Variants in RUFY4 observed in about 807,000 individuals in gnomAD.
The protein encoded by RUFY4 is RUN and FYVE domain-containing protein 4.
A neutral mutation model predicts 69.0 loss-of-function variants in RUFY4; 73 were observed. That is an observed-to-expected ratio of 1.06 (90% CI 0.88 to 1.29). The LOEUF is 1.29. Among genes scored for constraint, RUFY4 ranks in the 50% most tolerant of loss-of-function variants. RUFY4 has a pLI of 0.00. For synonymous variants in RUFY4, 287 were observed against 271.8 expected, an observed-to-expected ratio of 1.06 and a Z score of -0.55; for missense variants, 770 against 705.6, an observed-to-expected ratio of 1.09 and a Z score of -1.03.
At chr2:218,057,483 G>A (rs1283717833) in intron 2 of RUFY4, among the ~76,000 whole-genome samples, 1 of 152,120 alleles carries the variant, frequency 6.6e-6, no homozygotes, top group Non-Finnish European at 1.5e-5. Context: ...AGAACTTTCT[G>A]TGTCCGCTCA....
At chr2:218,067,586 G>A (rs1469402816), upstream of RUFY4, among the ~76,000 whole-genome samples, 3 of 152,198 alleles carry the variant, frequency 2.0e-5, no homozygotes, top group Non-Finnish European at 4.4e-5. Context: ...CACCAGCTGG[G>A]ATGGAGCTTG....
upstream of RUFY4, among the ~76,000 whole-genome samples, chr2:218,067,956 TAG>T (rs1689382791): frequency 1.3e-5 from 2 of 152,148 alleles, no homozygotes; most frequent in Admixed American, 1.3e-4. Context: ...CACAGGGACC[TAG>T]AGAGGAGTTA....
intron 3 of RUFY4, among the ~76,000 whole-genome samples, chr2:218,063,650 C>T (rs1689251846): frequency 6.6e-6 from 1 of 152,172 alleles, no homozygotes; most frequent in Non-Finnish European, 1.5e-5. Context: ...TAGGAAGAAC[C>T]TCAGAACCTC....
chr2:218,080,890 C>A (rs1163807004), intron 8 of RUFY4, among the ~76,000 whole-genome samples: 1 of 152,138 alleles, frequency 6.6e-6, no homozygotes, highest in Admixed American at 6.5e-5. Context: ...CAGATTTCTG[C>A]CCCCTCCACT....
At chr2:218,083,725 G>A (rs1182522279) in intron 9 of RUFY4, among the ~76,000 whole-genome samples, 1 of 151,720 alleles carries the variant, frequency 6.6e-6, no homozygotes, top group Non-Finnish European at 1.5e-5. Context: ...TCCAGCCTGG[G>A]CGACAGAGTG....
In RUFY4 at chr2:218,072,912, C is replaced by T. The variant is rs532821575; in HGVS notation, c.386+27C>T. ...TGGGGCTGTTGGGACATCCTCCTGC[C>T]GATGCCATCTGAGCCACTTTCCCTC... is the stretch of plus-strand genomic sequence containing the variant. On this transcript the variant is annotated intron_variant, in intron 4 of 10. Transcript: ENST00000344321. 68 of 1,481,042 alleles carry T rather than the reference C, an allele frequency of 4.6e-5. 1 individual carries two copies. The East Asian group carries it at 7.2e-4, about 16-fold the overall frequency. The allele number at this position is 1,481,042 out of a possible 1,614,324, so 91.7% of individuals were successfully genotyped here. A position where few individuals can be genotyped will look rare whatever the true frequency, so the allele number is the denominator to read the frequency against.
chr2:218,052,745 T>TAAAA (rs767229733), intron 2 of RUFY4, among the ~76,000 whole-genome samples: 5 of 144,802 alleles, frequency 3.5e-5, no homozygotes, highest in African/African-American at 1.0e-4. Flanking sequence ...TTTTTTTTTT[T>TAAAA]AAAAAAAAAA....
upstream of RUFY4, among the ~76,000 whole-genome samples, chr2:218,066,845 C>G (rs1035906139): frequency 6.6e-6 from 1 of 152,216 alleles, no homozygotes; most frequent in Admixed American, 6.5e-5. Context: ...TAATGTCTTT[C>G]AAAATGTGAC....
In RUFY4 at chr2:218,044,641, G is replaced by A. The variant is rs534930243; in HGVS notation, c.-1158+9247G>A. Among the ~76,000 whole-genome samples the A allele has an allele frequency of 8.5e-4, 129 of 152,122 alleles. 1 individual carries two copies. The highest frequency in any genetic ancestry group is 2.0e-4 in the Admixed American group (3 of 15,278). ...CCCAGTGTGTGTTGTTCCTCTCTGTGTGTCCATGTGTTCTCATCTTTTAGC... is the reference window on the plus strand; with the variant it reads ...CCCAGTGTGTGTTGTTCCTCTCTGTATGTCCATGTGTTCTCATCTTTTAGC... On this transcript the variant is annotated intron_variant and NMD_transcript_variant, in intron 2 of 13. Coordinates refer to the RUFY4 transcript ENST00000457754.
intron 3 of RUFY4, chr2:218,061,402 A>T (rs1196712723): frequency 1.4e-5 from 3 of 221,380 alleles, no homozygotes; most frequent in Non-Finnish European, 2.7e-5. Flanking sequence ...TCCCAGCCAA[A>T]ATTTTCCATT....
upstream of RUFY4, chr2:218,069,008 G>C (rs2106044365): frequency 6.6e-6 from 1 of 152,628 alleles, no homozygotes; most frequent in East Asian, 1.9e-4. Flanking sequence ...AGCAGGTGCT[G>C]AAAACGAAAA....
chr2:218,076,126 G>C (rs943530036), intron 7 of RUFY4, among the ~76,000 whole-genome samples: 2 of 152,148 alleles, frequency 1.3e-5, no homozygotes, highest in Non-Finnish European at 2.9e-5. Flanking sequence ...TTGCTCCTGT[G>C]GTGGATGCTT....
chr2:218,061,258 T>A (rs1689183799), intron 3 of RUFY4: 1 of 350,978 alleles, frequency 2.8e-6, no homozygotes, highest in Non-Finnish European at 5.7e-6. Flanking sequence ...AGGGCATAGA[T>A]GATGATCAAA....
intron 2 of RUFY4, among the ~76,000 whole-genome samples, chr2:218,046,040 C>CAG (rs1688819609): frequency 6.6e-6 from 1 of 152,148 alleles, no homozygotes; most frequent in South Asian, 2.1e-4. Context: ...CTCCTGACCT[C>CAG]GTGATCCGCC....
At chr2:218,055,514 A>G (rs1401988058) in intron 2 of RUFY4, among the ~76,000 whole-genome samples, 1 of 152,230 alleles carries the variant, frequency 6.6e-6, no homozygotes, top group Non-Finnish European at 1.5e-5. Flanking sequence ...TTCAGTAAAA[A>G]TTGGGATGTC....
At chr2:218,054,783 A>G (rs2106033652) in intron 2 of RUFY4, among the ~76,000 whole-genome samples, 1 of 152,244 alleles carries the variant, frequency 6.6e-6, no homozygotes, top group East Asian at 1.9e-4. Context: ...TTCTCTCTTA[A>G]GCTATCTGTA....
At chr2:218,065,890 CA>C (rs1335687197), upstream of RUFY4, among the ~76,000 whole-genome samples, 2 of 152,192 alleles carry the variant, frequency 1.3e-5, no homozygotes, top group Non-Finnish European at 2.9e-5. Context: ...CAGGCCGTGT[CA>C]GGGCACAGAC....
intron 2 of RUFY4, among the ~76,000 whole-genome samples, chr2:218,045,689 G>C (rs765702740): frequency 2.0e-5 from 3 of 152,198 alleles, no homozygotes; most frequent in Non-Finnish European, 4.4e-5. Context: ...TTCTTACCCA[G>C]TCCAATAGCA....
rs141538852 is a variant in RUFY4, at chr2:218,085,909, G to C, written c.1502+2653G>C. ...TTCGGAGTTCTAAACAGATTTTATT[G>C]CCTCTTTCTTACACATAAAATGACA... On this transcript the variant is annotated intron_variant, in intron 9 of 10. Coordinates refer to ENST00000344321, the Ensembl canonical transcript of RUFY4. Among the ~76,000 whole-genome samples, 240 of 152,202 alleles carry C rather than the reference G, an allele frequency of 1.6e-3. 2 individuals carry two copies. The highest frequency in any genetic ancestry group is 5.5e-3 in the African/African-American group (228 of 41,526).
Sources: gnomAD v4.1 joint callset for allele counts (sites outside exome capture counted in the v4.1 genomes callset) on GRCh38, gnomAD v4.1.1 for gene constraint, MANE v1.5 for transcripts, NCBI Gene and HGNC (gene_info 2026-07-23, HGNC 2026-07-21) for gene names.